CDH4: variants seen among roughly 807,000 people sequenced by gnomAD.
CDH4 encodes cadherin 4.
In CDH4, 33 loss-of-function variants were observed where a neutral mutation model predicts 86.0. That is an observed-to-expected ratio of 0.38 (90% CI 0.29 to 0.51). The LOEUF (loss-of-function observed/expected upper bound fraction) is 0.51. Ranked by LOEUF, CDH4 falls within the 20% of genes least tolerant of loss-of-function variation. The pLI is 0.86. For missense variants in CDH4, 1,114 were observed against 1,307.4 expected (o/e 0.85, Z 2.28); for synonymous variants, 555 against 549.4 (o/e 1.01, Z -0.14).
chr20:61,850,079 G>A (rs1408498741), intron 5 of CDH4, among the ~76,000 whole-genome samples: 5 of 152,190 alleles, frequency 3.3e-5, no homozygotes, highest in African/African-American at 9.7e-5. Flanking sequence ...ACATTCAAAC[G>A]CACAACACGC....
At chr20:61,354,457 A>G (rs1176670239) in intron 2 of CDH4, among the ~76,000 whole-genome samples, 3 of 152,176 alleles carry the variant, frequency 2.0e-5, no homozygotes, top group Non-Finnish European at 4.4e-5. Flanking sequence ...ACTGATGCAC[A>G]TTGACAGCTT....
intron 3 of CDH4, among the ~76,000 whole-genome samples, chr20:61,744,380 GAGA>G (rs2088383802): frequency 6.7e-6 from 1 of 149,170 alleles, no homozygotes; most frequent in South Asian, 2.2e-4. Context: ...GAGGGAGAGA[GAGA>G]AGGAGGGAGA....
intron 3 of CDH4, among the ~76,000 whole-genome samples, chr20:61,761,585 C>T (rs1319862265): frequency 6.6e-6 from 1 of 152,126 alleles, no homozygotes; most frequent in Non-Finnish European, 1.5e-5. Context: ...GCCATGGGTC[C>T]GTGGTCACTG....
At chr20:61,353,195 G>A (rs141864234) in intron 2 of CDH4, among the ~76,000 whole-genome samples, 3 of 152,270 alleles carry the variant, frequency 2.0e-5, no homozygotes, top group African/African-American at 7.2e-5. Flanking sequence ...CATGATGAAT[G>A]TGCTACTTCC....
chr20:61,887,248 G>A (rs1984587039), intron 7 of CDH4, among the ~76,000 whole-genome samples: 1 of 152,214 alleles, frequency 6.6e-6, no homozygotes, highest in African/African-American at 2.4e-5. Flanking sequence ...CCAACGGGAA[G>A]GCCACTGGCT....
At chr20:61,630,706 A>C (rs76030974) in intron 2 of CDH4, among the ~76,000 whole-genome samples, 1 of 152,232 alleles carries the variant, frequency 6.6e-6, no homozygotes, top group South Asian at 2.1e-4. Context: ...GTTGGCAAGA[A>C]CCAACTTATG....
intron 2 of CDH4, among the ~76,000 whole-genome samples, chr20:61,506,025 T>G (rs2085738982): frequency 6.6e-6 from 1 of 152,228 alleles, no homozygotes; most frequent in Non-Finnish European, 1.5e-5. Flanking sequence ...TCACACTGGA[T>G]GGGATTTGAG....
intron 2 of CDH4, among the ~76,000 whole-genome samples, chr20:61,294,740 G>C (rs1241809970): frequency 6.6e-6 from 1 of 152,260 alleles, no homozygotes; most frequent in Non-Finnish European, 1.5e-5. Context: ...CCTGGGGAAA[G>C]CTGAGCCCCT....
chr20:61,387,083 A>G (rs758613055), intron 2 of CDH4, among the ~76,000 whole-genome samples: 7 of 152,266 alleles, frequency 4.6e-5, no homozygotes, highest in Non-Finnish European at 1.0e-4. Context: ...AAAATAAAAT[A>G]TATTCACAAT....
chr20:61,901,500 G>T (rs1189011356), intron 8 of CDH4, among the ~76,000 whole-genome samples: 1 of 152,396 alleles, frequency 6.6e-6, no homozygotes, highest in African/African-American at 2.4e-5. Flanking sequence ...CCCCGTCGGG[G>T]GGCGCAGCAG....
At chr20:61,255,245 C>G (rs941358528) in intron 2 of CDH4, among the ~76,000 whole-genome samples, 4 of 152,222 alleles carry the variant, frequency 2.6e-5, no homozygotes, top group African/African-American at 9.6e-5. Flanking sequence ...GCATGAAGTT[C>G]TGGATACTTA....
At chr20:61,713,714 T>C (rs2087918219) in intron 2 of CDH4, among the ~76,000 whole-genome samples, 1 of 152,214 alleles carries the variant, frequency 6.6e-6, no homozygotes, top group Non-Finnish European at 1.5e-5. Context: ...CGTTTCCCCA[T>C]GTGAGCAGCG....
chr20:61,887,755 G>C (rs1351692264), intron 7 of CDH4, among the ~76,000 whole-genome samples: 1 of 152,214 alleles, frequency 6.6e-6, no homozygotes, highest in Non-Finnish European at 1.5e-5. Flanking sequence ...TCTCCGCTTG[G>C]ATCCCTCCCT....
intron 9 of CDH4, 105 bp downstream of exon 9, chr20:61,910,712 C>T: frequency 9.4e-7 from 1 of 1,066,624 alleles, no homozygotes; most frequent in South Asian, 1.5e-5. Flanking sequence ...GTTACTGCCC[C>T]CCTAATATCC....
chr20:61,281,809 T>C (rs1192004987), intron 2 of CDH4, among the ~76,000 whole-genome samples: 1 of 152,248 alleles, frequency 6.6e-6, no homozygotes, highest in Non-Finnish European at 1.5e-5. Context: ...GTTATGACCA[T>C]GTCTTGTCTG....
At chr20:61,919,211 A>T (rs1428049161) in intron 9 of CDH4, among the ~76,000 whole-genome samples, 3 of 152,172 alleles carry the variant, frequency 2.0e-5, no homozygotes, top group African/African-American at 7.2e-5. Flanking sequence ...TTGTACTGAA[A>T]TATCTTATTC....
chr20:61,633,414 C>G (rs1171513439), intron 2 of CDH4, among the ~76,000 whole-genome samples: 2 of 152,140 alleles, frequency 1.3e-5, no homozygotes, highest in Non-Finnish European at 2.9e-5. Flanking sequence ...CCCACTCATG[C>G]ATCCAAACAT....
intron 2 of CDH4, chr20:61,437,015 G>C (rs376930895): frequency 6.6e-6 from 1 of 152,324 alleles, no homozygotes. Context: ...ACCCAGCGCA[G>C]GGCCTGGGAC....
intron 7 of CDH4, among the ~76,000 whole-genome samples, chr20:61,885,341 C>G (rs1984494958): frequency 6.6e-6 from 1 of 152,208 alleles, no homozygotes; most frequent in Non-Finnish European, 1.5e-5. Flanking sequence ...AGCCCCAAAT[C>G]TTCTTTCTGC....
Sources: gnomAD v4.1 joint callset for allele counts (sites outside exome capture counted in the v4.1 genomes callset) on GRCh38, gnomAD v4.1.1 for gene constraint, MANE v1.5 for transcripts, NCBI Gene and HGNC (gene_info 2026-07-23, HGNC 2026-07-21) for gene names.